TENM1: variants seen among roughly 807,000 people sequenced by gnomAD.
TENM1 encodes teneurin transmembrane protein 1.
Under a neutral mutation model 174.8 loss-of-function variants are expected in TENM1, and 35 were observed. The ratio of observed to expected loss-of-function variants is 0.20; its 90% CI spans 0.15 to 0.27. The LOEUF (loss-of-function observed/expected upper bound fraction) is 0.27. Ranked by LOEUF, TENM1 falls within the 10% of genes least tolerant of loss-of-function variation. The pLI, the probability that TENM1 is intolerant of heterozygous loss-of-function variation, is 1.00. For missense variants in TENM1, 1,633 were observed against 2,130.1 expected (o/e 0.77, Z 4.59); for synonymous variants, 781 against 798.7 (o/e 0.98, Z 0.37).
chrX:124,697,219 CA>C (rs1358444573), intron 5 of TENM1, among the ~76,000 whole-genome samples: 1 of 111,341 alleles, frequency 9.0e-6, no homozygotes, highest in Non-Finnish European at 1.9e-5. Flanking sequence ...ACACAGTACA[CA>C]AGGTCTATGT....
chrX:124,695,124 G>A (rs1276048097), intron 5 of TENM1, among the ~76,000 whole-genome samples: 2 of 111,282 alleles, frequency 1.8e-5, no homozygotes, highest in Non-Finnish European at 3.8e-5. Flanking sequence ...TACATAGAAG[G>A]AAGGCAGATA....
chrX:125,152,856 C>T, the TENM1 span, among the ~76,000 whole-genome samples: 1 of 111,877 alleles, frequency 8.9e-6, no homozygotes, highest in African/African-American at 3.3e-5. Context: ...GTCTTTAAAT[C>T]CCAAACATCC....
intron 11 of TENM1, among the ~76,000 whole-genome samples, chrX:124,604,307 A>G (rs2050100222): frequency 9.0e-6 from 1 of 111,623 alleles, no homozygotes; most frequent in East Asian, 2.8e-4. Flanking sequence ...GCTAACAACG[A>G]CATAAAAGAG....
the TENM1 span, among the ~76,000 whole-genome samples, chrX:125,184,427 A>T: frequency 1.1e-4 from 12 of 111,252 alleles, no homozygotes; most frequent in African/African-American, 3.9e-4. Flanking sequence ...CTGATCTTAC[A>T]TTTTTTTTCC....
chrX:124,392,480 C>G, intron 27 of TENM1, 132 bp from the exon 31 acceptor site: 1 of 497,149 alleles, frequency 2.0e-6, no homozygotes, highest in Non-Finnish European at 3.4e-6. Context: ...CACGGCTTCA[C>G]ATTCCACAGA....
At chrX:125,037,990 G>A in the TENM1 span, among the ~76,000 whole-genome samples, 11 of 111,141 alleles carry the variant, frequency 9.9e-5, no homozygotes, top group Admixed American at 2.9e-4. Context: ...TGCAAAGGCT[G>A]TAATCATTAT....
At chrX:125,165,429 C>T in the TENM1 span, among the ~76,000 whole-genome samples, 1 of 111,739 alleles carries the variant, frequency 8.9e-6, no homozygotes, top group South Asian at 3.7e-4. Flanking sequence ...GCCTAAATTA[C>T]TACACTGCAT....
intron 3 of TENM1, among the ~76,000 whole-genome samples, chrX:124,878,780 C>T (rs188933400): frequency 4.5e-4 from 50 of 111,490 alleles, no homozygotes; most frequent in African/African-American, 1.4e-3. Flanking sequence ...TTAGATGGGG[C>T]TAGTGTCCTA....
chrX:124,475,726 C>T (rs1254671388), intron 22 of TENM1, among the ~76,000 whole-genome samples: 1 of 111,649 alleles, frequency 9.0e-6, no homozygotes, highest in Non-Finnish European at 1.9e-5. Context: ...TCATTAGATC[C>T]TCTTCCATTG....
intron 5 of TENM1, among the ~76,000 whole-genome samples, chrX:124,672,658 G>C (rs1294536392): frequency 8.9e-6 from 1 of 111,930 alleles, no homozygotes; most frequent in African/African-American, 3.2e-5. Context: ...AACAATATTA[G>C]AAAGTTATGA....
chrX:125,193,179 GT>G, the TENM1 span, among the ~76,000 whole-genome samples: 125 of 110,796 alleles, frequency 1.1e-3, 1 homozygote, highest in Admixed American at 0.012. Flanking sequence ...TAAATGCAGT[GT>G]TTCTCAATAT....
Position 124,480,024 on chromosome X carries a change from T to C in TENM1, c.3949+1708A>G, listed in dbSNP as rs376879263. 2.1e-4 allele frequency among the ~76,000 whole-genome samples: 23 copies of C among 111,798 alleles called. No individual in the cohort carries two copies. In the South Asian group the frequency reaches 2.2e-3, roughly 11 times the overall value. ...AATAAATCACCCCCTGTAAACACCA[T>C]TGAAATTCCTTTTAGGAATTCCTGG... On this transcript the variant is annotated intron_variant, in intron 22 of 31. Coordinates refer to ENST00000422452, the Ensembl canonical transcript of TENM1.
chrX:124,526,016 G>T (rs2047966798), intron 16 of TENM1, among the ~76,000 whole-genome samples: 1 of 111,655 alleles, frequency 9.0e-6, no homozygotes, highest in African/African-American at 3.3e-5. Context: ...GATTTTTAAG[G>T]TCTCCTTGGG....
chrX:124,494,515 A>T (rs759810626), intron 20 of TENM1, among the ~76,000 whole-genome samples: 57 of 101,085 alleles, frequency 5.6e-4, no homozygotes, highest in Non-Finnish European at 1.0e-3. Context: ...TTATTTATTT[A>T]TTTTTTATTA....
At chrX:125,132,731 G>A in the TENM1 span, among the ~76,000 whole-genome samples, 5 of 111,843 alleles carry the variant, frequency 4.5e-5, no homozygotes, top group African/African-American at 1.6e-4. Context: ...GAAAGTTTAA[G>A]TAGCTATCCC....
At chrX:124,736,129 C>CA (rs2053665624) in intron 4 of TENM1, among the ~76,000 whole-genome samples, 1 of 111,229 alleles carries the variant, frequency 9.0e-6, no homozygotes, top group African/African-American at 3.3e-5. Flanking sequence ...ATAAGGCACA[C>CA]AAAAAAACAA....
the TENM1 span, among the ~76,000 whole-genome samples, chrX:125,136,702 C>A: frequency 9.0e-6 from 1 of 111,186 alleles, no homozygotes; most frequent in African/African-American, 3.3e-5. Context: ...ATTCAACCAA[C>A]CACAGATTGA....
intron 21 of TENM1, 73 bp downstream of exon 24, chrX:124,487,136 A>T: frequency 9.9e-7 from 1 of 1,012,771 alleles, no homozygotes; most frequent in Non-Finnish European, 1.4e-6. Flanking sequence ...AAATTTCCCT[A>T]TTAACACATT....
At chrX:124,715,906 TAA>T (rs1221660172) in intron 4 of TENM1, among the ~76,000 whole-genome samples, 2 of 111,352 alleles carry the variant, frequency 1.8e-5, no homozygotes, top group South Asian at 7.5e-4. Flanking sequence ...ACATCTTATA[TAA>T]AAAAAAGTTT....
Sources: allele counts gnomAD v4.1 joint callset (sites outside exome capture counted in the v4.1 genomes callset), GRCh38; gene constraint gnomAD v4.1.1; transcripts MANE v1.5; gene names NCBI Gene and HGNC (gene_info 2026-07-23, HGNC 2026-07-21).